FBXO34: variants seen among roughly 807,000 people sequenced by gnomAD.
The protein encoded by FBXO34 is F-box only protein 34.
FBXO34 carries 12 observed loss-of-function variants against 24.5 expected under a neutral mutation model. That is an observed-to-expected ratio of 0.49 (90% confidence interval 0.31 to 0.79). The LOEUF (loss-of-function observed/expected upper bound fraction) is 0.79, where lower values mean the gene tolerates loss of function less well. Ranked by LOEUF, FBXO34 falls within the 30% of genes least tolerant of loss-of-function variation. The probability of loss-of-function intolerance (pLI) is 0.04; values close to 1 mark genes in which losing one functional copy is unlikely to be tolerated. For synonymous variants in FBXO34, 320 were observed against 311.9 expected, an observed-to-expected ratio of 1.03 and a Z score of -0.27; for missense variants, 823 against 857.7, an observed-to-expected ratio of 0.96 and a Z score of 0.51.
chr14:55,314,260 A>T (rs1031538159), intron 1 of FBXO34, among the ~76,000 whole-genome samples: 2 of 152,160 alleles, frequency 1.3e-5, no homozygotes, highest in African/African-American at 4.8e-5. Flanking sequence ...TGAAAAAAAA[A>T]TGGATTTTGT....
rs79346312 is a variant in FBXO34, at chr14:55,359,539, A to G, written c.*589-2194A>G. On this transcript the variant is annotated intron_variant and NMD_transcript_variant, in intron 3 of 3. Transcript: ENST00000555280. ...ATGCTAACAATCAGCTGTGAGTCAT[A>G]ATCTTTGCTGGTGTATGGTTTGCCT... Among the ~76,000 whole-genome samples, 14 of 152,334 alleles carry G rather than the reference A, an allele frequency of 9.2e-5. 1 individual carries two copies. The East Asian group carries it at 2.7e-3, about 29-fold the overall frequency.
At chr14:55,355,538 CT>C (rs940104334), downstream of FBXO34, among the ~76,000 whole-genome samples, 88 of 152,332 alleles carry the variant, frequency 5.8e-4, 1 homozygote, top group African/African-American at 2.0e-3. Flanking sequence ...AACATACACA[CT>C]TTTTTTCTTG....
intron 3 of FBXO34, among the ~76,000 whole-genome samples, chr14:55,361,513 T>C (rs1254712174): frequency 1.3e-5 from 2 of 152,230 alleles, no homozygotes; most frequent in East Asian, 3.8e-4. Context: ...TCACCAGCCG[T>C]ATTAGCCCCT....
the FBXO34 span, chr14:55,395,250 G>T: frequency 2.8e-6 from 1 of 351,208 alleles, no homozygotes. Context: ...TGCAGGGAAG[G>T]CGTGTGCCAA....
chr14:55,295,108 G>C (rs562546889), intron 1 of FBXO34, among the ~76,000 whole-genome samples: 2 of 152,272 alleles, frequency 1.3e-5, no homozygotes, highest in African/African-American at 4.8e-5. Flanking sequence ...TACTGAATGT[G>C]TATCACTTTT....
chr14:55,436,996 G>T, the FBXO34 span: 1 of 1,614,058 alleles, frequency 6.2e-7, no homozygotes. Context: ...GAACAGGGGA[G>T]ACCTGGGTGG....
the FBXO34 span, among the ~76,000 whole-genome samples, chr14:55,398,618 AG>A: frequency 0.015 from 2,155 of 142,430 alleles, 57 homozygotes; most frequent in African/African-American, 0.05. Flanking sequence ...ATTCTGATGT[AG>A]TTACAAAATA....
At chr14:55,401,280 G>C in the FBXO34 span, among the ~76,000 whole-genome samples, 1 of 148,428 alleles carries the variant, frequency 6.7e-6, no homozygotes, top group Admixed American at 6.7e-5. Context: ...TTTTTCCTTT[G>C]AGGATTATTT....
chr14:55,354,989 CCT>C (rs1408471317), downstream of FBXO34: 2 of 152,132 alleles, frequency 1.3e-5, no homozygotes, highest in Non-Finnish European at 2.9e-5. Context: ...AAAGAGAAAA[CCT>C]CCCCCCTCAG....
At chr14:55,367,292 A>C (rs1485863976) in exon 3 of FBXO34, 2 of 152,244 alleles carry the variant, frequency 1.3e-5, no homozygotes, top group Non-Finnish European at 2.9e-5. Flanking sequence ...GAGGGTTTTA[A>C]GTAGCTAGAC....
rs769796413 is a variant in FBXO34, at chr14:55,352,542, C to T, written c.*16C>T. 77 of 1,570,812 alleles carry T rather than the reference C, an allele frequency of 4.9e-5. No individual in the cohort carries two copies. The highest frequency in any genetic ancestry group is 6.4e-5 in the Non-Finnish European group (74 of 1,159,936). On this transcript the variant is annotated 3_prime_UTR_variant, in exon 2 of 2. Coordinates refer to ENST00000313833, the MANE Select transcript of FBXO34 (RefSeq NM_017943.4). ...GGAATACTAAAGTCCATGTGAGAGGCAACAAAAGGACCGGTTTCTAAAGCT... is the reference window on the plus strand; with the variant it reads ...GGAATACTAAAGTCCATGTGAGAGGTAACAAAAGGACCGGTTTCTAAAGCT...
At chr14:55,380,437 C>A in the FBXO34 span, 1 of 605,506 alleles carries the variant, frequency 1.7e-6, no homozygotes, top group Non-Finnish European at 2.9e-6. Flanking sequence ...TGAAATTAAT[C>A]TCAATATTTC....
At chr14:55,298,616 C>A in intron 1 of FBXO34, 1 of 1,172,936 alleles carries the variant, frequency 8.5e-7, no homozygotes, top group Non-Finnish European at 1.2e-6. Context: ...CCAGCCGGAG[C>A]GGGCGTTGAA....
intron 1 of FBXO34, among the ~76,000 whole-genome samples, chr14:55,292,476 C>T (rs535724168): frequency 2.0e-4 from 31 of 152,276 alleles, no homozygotes; most frequent in African/African-American, 5.5e-4. Flanking sequence ...CCTCACACCT[C>T]AGCCTCCAGA....
At chr14:55,409,272 C>T in the FBXO34 span, among the ~76,000 whole-genome samples, 3 of 152,138 alleles carry the variant, frequency 2.0e-5, no homozygotes, top group Admixed American at 6.5e-5. Flanking sequence ...AATACTGAAA[C>T]GGTCTAGAAA....
At chr14:55,347,338 C>T (rs1884192743) in intron 1 of FBXO34, among the ~76,000 whole-genome samples, 1 of 152,144 alleles carries the variant, frequency 6.6e-6, no homozygotes. Flanking sequence ...TGGATTTTTG[C>T]AGCAGATGCC....
chr14:55,339,856 G>T (rs146125848), intron 1 of FBXO34, among the ~76,000 whole-genome samples: 27 of 152,218 alleles, frequency 1.8e-4, no homozygotes, highest in African/African-American at 5.8e-4. Flanking sequence ...CTTCAGTCTT[G>T]GTTCAGCAGA....
intron 1 of FBXO34, among the ~76,000 whole-genome samples, chr14:55,321,760 T>C (rs992217594): frequency 1.3e-5 from 2 of 152,190 alleles, no homozygotes; most frequent in African/African-American, 4.8e-5. Context: ...TAGGTTTTCA[T>C]CTGTCGAATG....
chr14:55,362,202 G>GCCCGA (rs1235148621), downstream of FBXO34, among the ~76,000 whole-genome samples: 1 of 152,210 alleles, frequency 6.6e-6, no homozygotes, highest in Non-Finnish European at 1.5e-5. Context: ...GAATAAGGAG[G>GCCCGA]CCCGAAGAGA....
Sources: gnomAD v4.1 joint callset for allele counts (sites outside exome capture counted in the v4.1 genomes callset) on GRCh38, gnomAD v4.1.1 for gene constraint, MANE v1.5 for transcripts, NCBI Gene and HGNC (gene_info 2026-07-23, HGNC 2026-07-21) for gene names.